The following IGF2R variants were observed in gnomAD, a reference collection of about 807,000 sequenced individuals.
IGF2R encodes cation-independent mannose-6-phosphate receptor.
A neutral mutation model predicts 270.6 loss-of-function variants in IGF2R; 91 were observed. That is an observed-to-expected ratio of 0.34 (90% CI 0.28 to 0.40). The LOEUF is 0.40. Ranked by LOEUF, IGF2R falls within the 10% of genes least tolerant of loss-of-function variation. The pLI is 1.00. For missense variants in IGF2R, 2,805 were observed against 3,188.3 expected (o/e 0.88, Z 2.90); for synonymous variants, 1,316 against 1,258.9 (o/e 1.05, Z -0.96).
intron 4 of IGF2R, among the ~76,000 whole-genome samples, chr6:160,020,433 G>A (rs1324124100): frequency 1.3e-5 from 2 of 152,110 alleles, no homozygotes; most frequent in Non-Finnish European, 2.9e-5. Context: ...ATTTTTTATG[G>A]AATTAGAAAA....
intron 8 of IGF2R, 105 bp from the exon 9 acceptor site, chr6:160,032,837 C>A (rs781601152): frequency 1.4e-6 from 2 of 1,392,796 alleles, no homozygotes; most frequent in South Asian, 1.3e-5. Flanking sequence ...GTAGTTTGGG[C>A]TGGTGTTTCA....
chr6:160,110,195 G>A lies in IGF2R; in HGVS notation c.*5111G>A, dbSNP rs1247478337. 1.3e-5 allele frequency: 2 copies of A among 152,226 alleles called. No homozygotes were observed. The highest frequency in any genetic ancestry group is 2.9e-5 in the Non-Finnish European group (2 of 68,064). 9.4% of individuals were successfully genotyped at this position (152,226 alleles called of 1,614,324 possible). ...TTCCCTGGGGGAGCTGGTGGCCTGT[G>A]ACCATCCACTGGGAAATTCCCTTCT... On this transcript the variant is annotated 3_prime_UTR_variant, in exon 48 of 48. Coordinates refer to ENST00000356956, the MANE Select transcript of IGF2R (RefSeq NM_000876.4).
Position 160,102,813 on chromosome 6 carries a change from T to C in IGF2R, c.6995+142T>C. The C allele has an allele frequency of 3.0e-6, 3 of 991,920 alleles. No homozygotes were observed. The highest frequency in any genetic ancestry group is 4.4e-6 in the Non-Finnish European group (3 of 688,354). 61.4% of individuals were successfully genotyped at this position (991,920 alleles called of 1,614,324 possible). ...TCGAGGTTCTTAGTCCAAAACTCTC[T>C]GGAAGCAGTCCCCAGCGTTGTGGTT... is the stretch of plus-strand genomic sequence containing the variant. On this transcript the variant is annotated intron_variant, in intron 46 of 47. Coordinates refer to ENST00000356956, the MANE Select transcript of IGF2R (RefSeq NM_000876.4). This position sits in a 1 kb window ranked among gnomAD's most constrained non-coding sequence, Gnocchi z 4.5.
chr6:160,038,177 A>G (rs751710510), intron 10 of IGF2R, among the ~76,000 whole-genome samples: 1 of 152,180 alleles, frequency 6.6e-6, no homozygotes, highest in Non-Finnish European at 1.5e-5. Flanking sequence ...GCTGGAGAAT[A>G]AACTAGAGCC....
At chr6:160,000,192 C>G (rs113908198) in intron 2 of IGF2R, among the ~76,000 whole-genome samples, 25 of 152,266 alleles carry the variant, frequency 1.6e-4, no homozygotes, top group African/African-American at 5.5e-4. Context: ...TAAAGAACTA[C>G]CTGATACTTG....
At chr6:159,978,869 C>T (rs1265170845) in intron 1 of IGF2R, among the ~76,000 whole-genome samples, 1 of 152,092 alleles carries the variant, frequency 6.6e-6, no homozygotes, top group Admixed American at 6.5e-5. Flanking sequence ...TTTCGATCCC[C>T]TGGGGGCAAC....
At chr6:160,021,354 A>G (rs1207892003) in intron 4 of IGF2R, among the ~76,000 whole-genome samples, 1 of 150,006 alleles carries the variant, frequency 6.7e-6, no homozygotes, top group Non-Finnish European at 1.5e-5. Context: ...TAAAAAACCA[A>G]ACATCGTATG....
rs775880546 is a variant in IGF2R, at chr6:160,073,776, A to G, written c.4967A>G (p.Asn1656Ser). The stretch of plus-strand genomic sequence containing the variant: ...TAACAGACCGAATGTTCCGTGAGGA[A>G]TGGAAGCTCTATTGTTGACTTGTCT... ...CEQATECSVR[N>S]GSSIVDLSPL... Residue 1656 changes from asparagine to serine, a missense_variant, in exon 35 of 48, where the codon AAT becomes AGT. Coordinates refer to ENST00000356956, the MANE Select transcript of IGF2R (RefSeq NM_000876.4). 6.2e-7 allele frequency: 1 copy of G among 1,614,064 alleles called. No homozygotes were observed. Among genetic ancestry groups the G allele is most frequent in the Non-Finnish European group, 8.5e-7 (1 of 1,179,896 alleles).
intron 16 of IGF2R, 84 bp from the exon 17 acceptor site, chr6:160,047,708 T>C (rs1477077252): frequency 1.2e-6 from 1 of 860,934 alleles, no homozygotes; most frequent in Non-Finnish European, 2.0e-6. Context: ...TTGGGAACAT[T>C]GCTCTCGTCC....
chr6:160,078,332 C>T lies in IGF2R; in HGVS notation c.5448C>T (p.Asn1816=), dbSNP rs1778899503. Residue 1816 remains asparagine (N), a synonymous_variant, in exon 37 of 48, where the codon AAC becomes AAT. Transcript: ENST00000356956. ...ATGAGCAGCTCCTCTACAGCTTCAA[C>T]TTGTCCAGCCTTTCCACGAGCACCT... ...LTDEQLLYSF[N]LSSLSTSTFK... is the part of the protein sequence containing the mutation. 1 of 1,614,190 alleles carries T rather than the reference C, an allele frequency of 6.2e-7. No homozygotes were observed. The highest frequency in any genetic ancestry group is 8.5e-7 in the Non-Finnish European group (1 of 1,180,010).
chr6:160,039,157 C>T (rs1297445046), intron 10 of IGF2R, among the ~76,000 whole-genome samples: 1 of 152,156 alleles, frequency 6.6e-6, no homozygotes, highest in African/African-American at 2.4e-5. Context: ...TAACACACAC[C>T]TAGATGGTAT....
At chr6:159,995,738 G>A (rs79577746) in intron 2 of IGF2R, among the ~76,000 whole-genome samples, 10,871 of 151,880 alleles carry the variant, frequency 0.072, 445 homozygotes, top group Non-Finnish European at 0.094. Flanking sequence ...ATATTTTTCC[G>A]ATTTCTTTGT....
chr6:160,042,475 T>C (rs1334819364), intron 11 of IGF2R, among the ~76,000 whole-genome samples: 1 of 152,218 alleles, frequency 6.6e-6, no homozygotes, highest in East Asian at 1.9e-4. Flanking sequence ...TCAGCGACTG[T>C]TCGCCGTGTG....
chr6:160,006,174 A>G (rs1245127372), intron 2 of IGF2R: 5 of 56,934 alleles, frequency 8.8e-5, no homozygotes, highest in African/African-American at 1.5e-4. Context: ...TGTACCCTGC[A>G]TGCCCTGTGC....
chr6:160,052,844 A>G (rs944802992), intron 19 of IGF2R, among the ~76,000 whole-genome samples: 4 of 152,238 alleles, frequency 2.6e-5, no homozygotes, highest in African/African-American at 9.6e-5. Context: ...AGGATTCCCT[A>G]TTTAATAAAT....
At chr6:159,987,010 T>C (rs1454093562) in intron 1 of IGF2R, among the ~76,000 whole-genome samples, 1 of 152,234 alleles carries the variant, frequency 6.6e-6, no homozygotes, top group East Asian at 1.9e-4. Flanking sequence ...TGTAATAATT[T>C]TATTGCTTCT....
At chr6:160,085,993 C>T (rs531181578) in intron 41 of IGF2R, among the ~76,000 whole-genome samples, 8 of 152,342 alleles carry the variant, frequency 5.3e-5, no homozygotes, top group African/African-American at 9.6e-5. Context: ...GAGGGAAGGT[C>T]GTGGAGGGTT....
chr6:160,070,882 T>A (rs1778704696), intron 31 of IGF2R, among the ~76,000 whole-genome samples: 1 of 152,148 alleles, frequency 6.6e-6, no homozygotes, highest in Admixed American at 6.5e-5. Context: ...AGTTTCCTCT[T>A]GGGAAGATTG....
chr6:160,032,619 C>T lies in IGF2R; in HGVS notation c.951C>T (p.Ala317=), dbSNP rs763204941. The T allele has an allele frequency of 3.1e-6, 5 of 1,614,196 alleles. No homozygotes were observed. The South Asian group carries it at 5.5e-5, about 18-fold the overall frequency. ...RYEIEWITEY[A]CHRDYLESKT... is the part of the protein sequence containing the mutation. ...AAATTGAGTGGATTACTGAGTATGCCTGCCACAGAGATTACCTGGAAAGTA... is the reference window on the plus strand; with the variant it reads ...AAATTGAGTGGATTACTGAGTATGCTTGCCACAGAGATTACCTGGAAAGTA... The change falls in exon 8 of 48, where the codon GCC becomes GCT. Residue 317 remains alanine (A), a synonymous_variant. Coordinates refer to ENST00000356956, the MANE Select transcript of IGF2R (RefSeq NM_000876.4).
Sources: allele counts gnomAD v4.1 joint callset (sites outside exome capture counted in the v4.1 genomes callset), GRCh38; gene constraint gnomAD v4.1.1; non-coding constraint Gnocchi (gnomAD v3.1); transcripts MANE v1.5; gene names NCBI Gene and HGNC (gene_info 2026-07-23, HGNC 2026-07-21).